SH3YL1: variants seen among roughly 807,000 people sequenced by gnomAD.
SH3YL1 encodes SH3 and SYLF domain containing 1.
In SH3YL1, 41 loss-of-function variants were observed where a neutral mutation model predicts 45.8. The ratio of observed to expected loss-of-function variants is 0.89; its 90% CI spans 0.70 to 1.16. The LOEUF (loss-of-function observed/expected upper bound fraction) is 1.16. SH3YL1 is among the 50% of genes most tolerant of loss of function. The pLI, the probability that SH3YL1 is intolerant of heterozygous loss-of-function variation, is 0.00. For missense variants in SH3YL1, 389 were observed against 409.6 expected (o/e 0.95, Z 0.43); for synonymous variants, 152 against 151.4 (o/e 1.00, Z -0.03).
At chr2:224,203 T>C (rs959813981) in intron 9 of SH3YL1, among the ~76,000 whole-genome samples, 6 of 152,210 alleles carry the variant, frequency 3.9e-5, no homozygotes, top group Admixed American at 2.0e-4. Flanking sequence ...CCACTCACAT[T>C]TGCAAATAAT....
rs1277433045 is a variant in SH3YL1 at position 231,030 on chromosome 2, T to C, written c.695A>G (p.Lys232Arg). ...NARKAAREQR[K>R]SSAKELPPKP... Reference sequence around the variant, plus strand: ...CATAAAACCAAACGGTACAGAAGACTTCCTCTGCTCCCTTGCTGCTTTTCT... The same window carrying C: ...CATAAAACCAAACGGTACAGAAGACCTCCTCTGCTCCCTTGCTGCTTTTCT... The change falls in exon 7 of 10, where the codon AAG (lysine) becomes AGG (arginine). Residue 232 changes from lysine (K) to arginine (R), a missense_variant. Physicochemically the swap from Lys to Arg is conservative, Grantham distance 26 (BLOSUM62 2). Coordinates refer to ENST00000356150, the MANE Select transcript of SH3YL1 (RefSeq NM_015677.4). 2 of 1,613,938 alleles carry C rather than the reference T, an allele frequency of 1.2e-6. No homozygotes were observed. Among genetic ancestry groups the C allele is most frequent in the Admixed American group, 1.7e-5 (1 of 60,002 alleles).
intron 1 of SH3YL1, among the ~76,000 whole-genome samples, chr2:255,105 G>A (rs1669257580): frequency 1.3e-5 from 2 of 152,130 alleles, no homozygotes; most frequent in Admixed American, 1.3e-4. Context: ...TGTGTCATGG[G>A]CTGTCCTTAA....
chr2:235,377 GCA>G (rs1668243505), intron 4 of SH3YL1, among the ~76,000 whole-genome samples: 1 of 80,020 alleles, frequency 1.2e-5, no homozygotes, highest in African/African-American at 3.8e-5. Context: ...AGGGGAGGCA[GCA>G]GCATGGGCCA....
intron 8 of SH3YL1, among the ~76,000 whole-genome samples, chr2:228,662 T>A (rs188475836): frequency 3.9e-5 from 6 of 152,270 alleles, no homozygotes. Flanking sequence ...TTTCAGTAAA[T>A]CAATCATCTG....
intron 1 of SH3YL1, among the ~76,000 whole-genome samples, chr2:259,150 C>T (rs1054663052): frequency 7.2e-5 from 11 of 151,930 alleles, no homozygotes; most frequent in African/African-American, 2.4e-4. Flanking sequence ...CCACCATGTG[C>T]AAAAAGTGCT....
Position 234,258 on chromosome 2 carries a change from C to T in SH3YL1, c.306G>A (p.Val102=). 1.2e-6 allele frequency: 2 copies of T among 1,612,428 alleles called. No individual in the cohort carries two copies. The highest frequency in any genetic ancestry group is 1.7e-6 in the Non-Finnish European group (2 of 1,179,204). ...FEIGIEVSDL[V]IILNYDRAVE... is the part of the protein sequence containing the mutation. ...CAGCACGGTCATAATTCAGAATTAT[C>T]ACCAAGTCTGATACCTAAAGTGTAG... The change falls in exon 5 of 10, where the codon GTG becomes GTA. Residue 102 remains valine, a synonymous_variant. Coordinates refer to ENST00000356150, the MANE Select transcript of SH3YL1 (RefSeq NM_015677.4).
At chr2:251,775 G>C (rs1357869465) in intron 2 of SH3YL1, among the ~76,000 whole-genome samples, 2 of 152,116 alleles carry the variant, frequency 1.3e-5, no homozygotes, top group Admixed American at 1.3e-4. Flanking sequence ...CTCAAGACAG[G>C]AGAAGTCACC....
intron 2 of SH3YL1, among the ~76,000 whole-genome samples, chr2:252,090 T>C (rs1468375560): frequency 1.3e-5 from 2 of 152,188 alleles, no homozygotes; most frequent in Non-Finnish European, 2.9e-5. Context: ...TATGTGTCAC[T>C]GACTACTTAA....
In SH3YL1 at chr2:249,828, C is replaced by T. The variant is rs1669000067; in HGVS notation, c.129G>A (p.Lys43=). 1 of 1,551,970 alleles carries T rather than the reference C, an allele frequency of 6.4e-7. No individual in the cohort carries two copies. Among genetic ancestry groups the T allele is most frequent in the Non-Finnish European group, 8.7e-7 (1 of 1,146,924 alleles). Residue 43 remains lysine, a synonymous_variant, in exon 3 of 10, where the codon AAG becomes AAA. Coordinates refer to ENST00000356150, the MANE Select transcript of SH3YL1 (RefSeq NM_015677.4). ...DKIIPAHVIA[K]AKGLAILSVI... ...CAGACAGAATTGCAAGGCCTTTAGC[C>T]TTCGCAATTACGTGAGCTGTTAACG...
rs1213014268 is a variant in SH3YL1, at chr2:230,767, C to T, written c.702+256G>A. ...CAAGTGCTCCACCTGCCTCAGCCTCCCACATATTATTTGTATTATTGATAC... is the reference window on the plus strand; with the variant it reads ...CAAGTGCTCCACCTGCCTCAGCCTCTCACATATTATTTGTATTATTGATAC... On this transcript the variant is annotated intron_variant, in intron 7 of 9. Coordinates refer to ENST00000356150, the MANE Select transcript of SH3YL1 (RefSeq NM_015677.4). 5.0e-5 allele frequency: 21 copies of T among 423,994 alleles called. No individual in the cohort carries two copies. The East Asian group carries it at 9.4e-4, about 19-fold the overall frequency. 26.3% of individuals were successfully genotyped at this position (423,994 alleles called of 1,614,324 possible).
chr2:229,728 C>CAAA (rs397709071), intron 8 of SH3YL1, among the ~76,000 whole-genome samples: 147 of 93,126 alleles, frequency 1.6e-3, no homozygotes, highest in Middle Eastern at 6.4e-3. Flanking sequence ...GACTCCGTCT[C>CAAA]AAAAAAAAAA....
intron 2 of SH3YL1, among the ~76,000 whole-genome samples, chr2:252,447 G>A (rs1435973171): frequency 6.6e-6 from 1 of 152,108 alleles, no homozygotes; most frequent in African/African-American, 2.4e-5. Context: ...GGCACCCTGG[G>A]ATGGGAGGCA....
intron 4 of SH3YL1, among the ~76,000 whole-genome samples, chr2:236,715 T>C (rs563336481): frequency 6.6e-6 from 1 of 152,322 alleles, no homozygotes; most frequent in South Asian, 2.1e-4. Flanking sequence ...GCCTTCATTA[T>C]ACAGTTATTC....
At chr2:246,326 G>T (rs1199394480) in intron 4 of SH3YL1, among the ~76,000 whole-genome samples, 5 of 152,146 alleles carry the variant, frequency 3.3e-5, no homozygotes, top group African/African-American at 1.2e-4. Context: ...CTTCTAATGT[G>T]CCCTATGGCT....
At chr2:224,178 C>A (rs113291903) in intron 9 of SH3YL1, among the ~76,000 whole-genome samples, 6 of 152,252 alleles carry the variant, frequency 3.9e-5, no homozygotes, top group African/African-American at 1.4e-4. Context: ...TTTAACTTTG[C>A]CCTCAATTTG....
intron 4 of SH3YL1, chr2:240,813 C>A (rs985102590): frequency 3.3e-5 from 5 of 152,218 alleles, no homozygotes; most frequent in African/African-American, 1.2e-4. Flanking sequence ...TATGCATGCC[C>A]ATAGACAACA....
intron 1 of SH3YL1, chr2:263,110 G>C (rs536088119): frequency 6.4e-6 from 1 of 157,392 alleles, no homozygotes; most frequent in Non-Finnish European, 1.4e-5. Context: ...GATTTTCTAA[G>C]TCGTTATGAA....
chr2:230,950 A>AT (rs766547436), intron 7 of SH3YL1, 73 bp downstream of exon 7: 5 of 1,466,488 alleles, frequency 3.4e-6, no homozygotes, highest in Non-Finnish European at 4.8e-6. Context: ...TAGGAACCTG[A>AT]TATCAGGGAC....
At chr2:230,164 G>A (rs909325611) in intron 7 of SH3YL1, 120 bp from the exon 8 acceptor site, 3 of 664,278 alleles carry the variant, frequency 4.5e-6, no homozygotes, top group Admixed American at 2.9e-5. Flanking sequence ...TTATTAATGT[G>A]GCACTCTCAA....
Sources: gnomAD v4.1 joint callset for allele counts (sites outside exome capture counted in the v4.1 genomes callset) on GRCh38, gnomAD v4.1.1 for gene constraint, MANE v1.5 for transcripts, NCBI Gene and HGNC (gene_info 2026-07-23, HGNC 2026-07-21) for gene names.